Variants in NRXN1 observed in about 807,000 individuals in gnomAD.
NRXN1 encodes the protein neurexin-1.
A neutral mutation model predicts 150.9 loss-of-function variants in NRXN1; 39 were observed. The observed-to-expected ratio is 0.26, with a 90% CI of 0.20 to 0.34. The LOEUF (loss-of-function observed/expected upper bound fraction) is 0.34. Among genes scored for constraint, NRXN1 ranks in the 10% least tolerant of loss-of-function variants. NRXN1 has a pLI of 1.00. For missense variants in NRXN1, 1,815 were observed against 1,949.9 expected (o/e 0.93, Z 1.30); for synonymous variants, 924 against 757.0 (o/e 1.22, Z -3.62).
intron 17 of NRXN1, among the ~76,000 whole-genome samples, chr2:50,299,218 T>C (rs1406093782): frequency 6.6e-6 from 1 of 152,154 alleles, no homozygotes; most frequent in Non-Finnish European, 1.5e-5. Flanking sequence ...AGGAAAGCTA[T>C]ATATGGCAGG....
chr2:50,320,067 C>T (rs1353215231), intron 17 of NRXN1, among the ~76,000 whole-genome samples: 1 of 151,658 alleles, frequency 6.6e-6, no homozygotes, highest in African/African-American at 2.4e-5. Flanking sequence ...CCTCACTCCT[C>T]ATCAGTGAGC....
At chr2:50,128,256 A>G (rs145562764) in intron 18 of NRXN1, among the ~76,000 whole-genome samples, 1 of 152,306 alleles carries the variant, frequency 6.6e-6, no homozygotes, top group Admixed American at 6.5e-5. Flanking sequence ...CATGGAGGAA[A>G]AAAGAAAAAA....
chr2:50,364,089 G>A (rs903221078), intron 17 of NRXN1, among the ~76,000 whole-genome samples: 1 of 152,084 alleles, frequency 6.6e-6, no homozygotes, highest in African/African-American at 2.4e-5. Context: ...GGGGCCTGTT[G>A]GGGGTTGGGG....
chr2:50,207,428 C>T (rs955807348), intron 18 of NRXN1: 25 of 152,112 alleles, frequency 1.6e-4, no homozygotes, highest in African/African-American at 5.5e-4. Flanking sequence ...CTTACTGATA[C>T]ATGTTATGCC....
intron 2 of NRXN1, among the ~76,000 whole-genome samples, chr2:51,013,321 C>A (rs1287105734): frequency 6.6e-6 from 1 of 151,978 alleles, no homozygotes; most frequent in African/African-American, 2.4e-5. Context: ...TCCAGGGACA[C>A]CAATGTGCAA....
At chr2:50,024,723 T>G (rs1471674135) in intron 21 of NRXN1, among the ~76,000 whole-genome samples, 2 of 152,064 alleles carry the variant, frequency 1.3e-5, no homozygotes, top group Non-Finnish European at 2.9e-5. Context: ...CAAGCGATGC[T>G]CCTGCCTCAG....
At chr2:50,004,804 G>C (rs748536431) in intron 21 of NRXN1, among the ~76,000 whole-genome samples, 2 of 152,124 alleles carry the variant, frequency 1.3e-5, no homozygotes, top group Non-Finnish European at 2.9e-5. Context: ...CACAGTGGTA[G>C]GTTATTCACA....
chr2:50,941,904 G>A (rs1689509317), intron 2 of NRXN1, among the ~76,000 whole-genome samples: 1 of 152,138 alleles, frequency 6.6e-6, no homozygotes, highest in Non-Finnish European at 1.5e-5. Context: ...AAGACAATAA[G>A]GAAAATATCT....
At chr2:50,683,958 C>G (rs952887158) in intron 5 of NRXN1, among the ~76,000 whole-genome samples, 1 of 151,908 alleles carries the variant, frequency 6.6e-6, no homozygotes, top group Admixed American at 6.6e-5. Flanking sequence ...TCTGTAAATA[C>G]ATCTTCCCTA....
At chr2:50,294,666 G>T (rs1371774737) in intron 17 of NRXN1, among the ~76,000 whole-genome samples, 1 of 152,092 alleles carries the variant, frequency 6.6e-6, no homozygotes, top group Non-Finnish European at 1.5e-5. Flanking sequence ...GAGAAGGAAT[G>T]GTATTTGATC....
At chr2:50,468,656 A>G (rs1039948398) in intron 16 of NRXN1, among the ~76,000 whole-genome samples, 1 of 151,572 alleles carries the variant, frequency 6.6e-6, no homozygotes, top group African/African-American at 2.4e-5. Flanking sequence ...GAAATGATAC[A>G]CAAAAGAGGT....
chr2:50,100,423 C>T (rs995584825), intron 18 of NRXN1, among the ~76,000 whole-genome samples: 2 of 151,946 alleles, frequency 1.3e-5, no homozygotes, highest in African/African-American at 2.4e-5. Flanking sequence ...AATAAAAAAT[C>T]AAAACAATGT....
At chr2:50,511,930 G>C (rs553993129) in intron 12 of NRXN1, among the ~76,000 whole-genome samples, 3 of 152,106 alleles carry the variant, frequency 2.0e-5, no homozygotes, top group African/African-American at 7.2e-5. Flanking sequence ...GAAATTTCAT[G>C]CTATAATTTG....
chr2:50,442,590 C>T (rs1349494028), intron 17 of NRXN1, among the ~76,000 whole-genome samples: 5 of 152,094 alleles, frequency 3.3e-5, no homozygotes, highest in African/African-American at 1.2e-4. Context: ...GTGAGATATA[C>T]AACTGAAAAT....
At chr2:50,542,784 A>T (rs1278860549) in intron 9 of NRXN1, among the ~76,000 whole-genome samples, 1 of 152,196 alleles carries the variant, frequency 6.6e-6, no homozygotes, top group African/African-American at 2.4e-5. Flanking sequence ...AAGGGATTTG[A>T]ATCCCAGACC....
At chr2:50,597,146 G>C (rs1436021542) in intron 8 of NRXN1, among the ~76,000 whole-genome samples, 1 of 152,026 alleles carries the variant, frequency 6.6e-6, no homozygotes. Context: ...TGCCCGGTGG[G>C]ACATGCTTCT....
At chr2:50,743,661 TCTAACAGATTTAA>T (rs1016715415) in intron 5 of NRXN1, among the ~76,000 whole-genome samples, 2 of 152,184 alleles carry the variant, frequency 1.3e-5, no homozygotes, top group African/African-American at 4.8e-5. Flanking sequence ...TTGAAACTTA[TCTAACAGATTTAA>T]CCATCACGTG....
At chr2:50,591,400 ATAG>A (rs779228412) in intron 8 of NRXN1, among the ~76,000 whole-genome samples, 1 of 151,538 alleles carries the variant, frequency 6.6e-6, no homozygotes, top group East Asian at 2.0e-4. Context: ...AGATAGATAG[ATAG>A]ATAGATAGAT....
chr2:50,745,145 C>T (rs543841453), intron 5 of NRXN1, among the ~76,000 whole-genome samples: 6 of 152,196 alleles, frequency 3.9e-5, no homozygotes, highest in East Asian at 1.9e-4. Context: ...AGCATTTAAT[C>T]TCTCCAAATC....
Sources: allele counts gnomAD v4.1 joint callset (sites outside exome capture counted in the v4.1 genomes callset), GRCh38; gene constraint gnomAD v4.1.1; transcripts MANE v1.5; gene names NCBI Gene and HGNC (gene_info 2026-07-23, HGNC 2026-07-21).